PLEKHM1: variants seen among roughly 807,000 people sequenced by gnomAD.
The protein encoded by PLEKHM1 is pleckstrin homology and RUN domain containing M1, also known as pleckstrin homology domain-containing family M member 1.
PLEKHM1 carries 28 observed loss-of-function variants against 94.3 expected under a neutral mutation model. The observed-to-expected ratio is 0.30, with a 90% CI of 0.22 to 0.41. PLEKHM1 has a LOEUF of 0.41. PLEKHM1 is among the 10% of genes least tolerant of loss of function. The pLI is 1.00. For synonymous variants in PLEKHM1, 424 were observed against 581.2 expected (o/e 0.73, Z 3.89); for missense variants, 907 against 1,358.6 (o/e 0.67, Z 5.22).
At chr17:45,457,452 CGGGT>C (rs2050996419) in intron 6 of PLEKHM1, among the ~76,000 whole-genome samples, 1 of 151,686 alleles carries the variant, frequency 6.6e-6, no homozygotes, top group Non-Finnish European at 1.5e-5. Context: ...CCCAACTACT[CGGGT>C]GGCTAAAGCA....
intron 5 of PLEKHM1, among the ~76,000 whole-genome samples, chr17:45,465,430 C>T (rs148895919): frequency 0.028 from 4,236 of 151,964 alleles, 153 homozygotes; most frequent in African/African-American, 0.097. Context: ...GAGGCTGGGC[C>T]GGGCACGGTG....
chr17:45,490,286 G>A (rs1233182696), intron 1 of PLEKHM1, among the ~76,000 whole-genome samples: 1 of 152,094 alleles, frequency 6.6e-6, no homozygotes, highest in Non-Finnish European at 1.5e-5. Context: ...TACCAGAGGG[G>A]TGGGGAGAGA....
At chr17:45,454,480 T>C in intron 6 of PLEKHM1, 1 of 631,546 alleles carries the variant, frequency 1.6e-6, no homozygotes, top group East Asian at 2.7e-5. Context: ...TCTTGCGTCC[T>C]GTATTTCACT....
intron 1 of PLEKHM1, chr17:45,487,921 T>A (rs1178732121): frequency 2.6e-6 from 1 of 379,824 alleles, no homozygotes; most frequent in African/African-American, 2.1e-5. Context: ...AATTGATGAG[T>A]CATGTTTTTT....
Position 45,440,204 on chromosome 17 carries a change from A to T in PLEKHM1, c.2860T>A (p.Leu954Met). ...ACACTGAACCTATGCGGAGATTCCA[A>T]GAGATAATTCCTGTGGTTGAGCCTT... is the stretch of plus-strand genomic sequence containing the variant. The part of the protein sequence containing the change: ...SKRLNHRNYL[L>M]ESPHRFSVAD... Residue 954 changes from leucine to methionine, a missense_variant, in exon 10 of 12, where the codon TTG (leucine) becomes ATG (methionine). This residue lies in a region of PLEKHM1 where 254 missense variants were observed against 451.1 expected (regional missense o/e 0.56). Coordinates refer to ENST00000430334, the MANE Select transcript of PLEKHM1 (RefSeq NM_014798.3). The T allele has an allele frequency of 1.2e-6, 2 of 1,614,172 alleles. No homozygotes were observed. The highest frequency in any genetic ancestry group is 1.7e-6 in the Non-Finnish European group (2 of 1,179,986).
chr17:45,467,176 G>C (rs2145277771), intron 5 of PLEKHM1, among the ~76,000 whole-genome samples: 1 of 152,296 alleles, frequency 6.6e-6, no homozygotes, highest in African/African-American at 2.4e-5. Context: ...TCCAACTCCT[G>C]GGCTCAAGCA....
chr17:45,462,764 G>A (rs1035046779), intron 5 of PLEKHM1, among the ~76,000 whole-genome samples: 8 of 152,202 alleles, frequency 5.3e-5, no homozygotes, highest in Non-Finnish European at 4.4e-5. Flanking sequence ...CTGGAAGGAA[G>A]GAGACAAATG....
intron 6 of PLEKHM1, among the ~76,000 whole-genome samples, chr17:45,456,828 T>C (rs2050966536): frequency 6.6e-6 from 1 of 152,238 alleles, no homozygotes; most frequent in South Asian, 2.1e-4. Context: ...AATTTGGTTA[T>C]GGTTATTTAA....
chr17:45,443,565 T>C (rs986311603), intron 9 of PLEKHM1, among the ~76,000 whole-genome samples: 51 of 152,248 alleles, frequency 3.3e-4, no homozygotes, highest in African/African-American at 1.2e-3. Flanking sequence ...GGGCTGCCCC[T>C]GGTGCCCACA....
chr17:45,482,222 C>T (rs2051975579), intron 2 of PLEKHM1, among the ~76,000 whole-genome samples: 1 of 149,814 alleles, frequency 6.7e-6, no homozygotes, highest in Admixed American at 6.7e-5. Flanking sequence ...CTTCAGGTTA[C>T]TGATCTTAAA....
At chr17:45,488,611 T>A (rs2052204955) in intron 1 of PLEKHM1, among the ~76,000 whole-genome samples, 2 of 152,088 alleles carry the variant, frequency 1.3e-5, no homozygotes, top group South Asian at 4.2e-4. Context: ...CGACTATAAG[T>A]GGCAAGCAGA....
intron 1 of PLEKHM1, among the ~76,000 whole-genome samples, 183 bp downstream of exon 1, chr17:45,490,467 AGG>A (rs1476852655): frequency 6.6e-6 from 1 of 151,840 alleles, no homozygotes; most frequent in Non-Finnish European, 1.5e-5. Context: ...GCGGCGGTGC[AGG>A]GGGAAGGCTG....
chr17:45,454,474 G>T, intron 6 of PLEKHM1: 1 of 645,466 alleles, frequency 1.5e-6, no homozygotes, highest in Non-Finnish European at 2.8e-6. Flanking sequence ...TGCTGCTCTT[G>T]CGTCCTGTAT....
chr17:45,473,699 C>CA (rs2051597346), intron 4 of PLEKHM1, among the ~76,000 whole-genome samples: 1 of 151,840 alleles, frequency 6.6e-6, no homozygotes, highest in Admixed American at 6.6e-5. Context: ...GCTGGGACTT[C>CA]AGGCGCCCGC....
intron 6 of PLEKHM1, among the ~76,000 whole-genome samples, chr17:45,457,879 C>T (rs1047825848): frequency 3.3e-5 from 5 of 152,124 alleles, no homozygotes; most frequent in African/African-American, 9.7e-5. Context: ...CAGGTGGAAT[C>T]AAGAGTTTTC....
At chr17:45,466,341 A>G (rs1310387752) in intron 5 of PLEKHM1, among the ~76,000 whole-genome samples, 2 of 152,192 alleles carry the variant, frequency 1.3e-5, no homozygotes, top group African/African-American at 4.8e-5. Flanking sequence ...CTTGGGGGAG[A>G]TGAATATCTC....
At chr17:45,486,141 T>C (rs1201911065) in intron 1 of PLEKHM1, among the ~76,000 whole-genome samples, 10 of 132,294 alleles carry the variant, frequency 7.6e-5, no homozygotes, top group South Asian at 4.9e-4. Context: ...GGCGTGAACC[T>C]GGGAGGCGGA....
At position 45,453,812 on chromosome 17, in the gene PLEKHM1, T is replaced by C. The variant is rs2050852731; in HGVS notation, c.2040A>G (p.Pro680=). The change falls in exon 7 of 12, where the codon CCA becomes CCG. Residue 680 remains proline (P), a synonymous_variant. Transcript: ENST00000430334. This position sits in a 1 kb window ranked among gnomAD's most constrained non-coding sequence, Gnocchi z 4.1. The part of the protein sequence containing the change: ...TQFDWSSAQV[P]EPDAIKESLL... ...GGGACTCCTTGATGGCATCTGGCTC[T>C]GGAACCTGGGCGGACGACCAGTCAA... 6.2e-7 allele frequency: 1 copy of C among 1,613,886 alleles called. No individual in the cohort carries two copies. Among genetic ancestry groups the C allele is most frequent in the Non-Finnish European group, 8.5e-7 (1 of 1,179,874 alleles).
chr17:45,486,931 G>T (rs1179790235), intron 1 of PLEKHM1, among the ~76,000 whole-genome samples: 1 of 152,146 alleles, frequency 6.6e-6, no homozygotes, highest in Non-Finnish European at 1.5e-5. Context: ...CACCCACCCT[G>T]GTGGCCCAGA....
Sources: allele counts gnomAD v4.1 joint callset (sites outside exome capture counted in the v4.1 genomes callset), GRCh38; gene constraint gnomAD v4.1.1; regional missense constraint gnomAD v4.1.1; non-coding constraint Gnocchi (gnomAD v3.1); transcripts MANE v1.5; gene names NCBI Gene and HGNC (gene_info 2026-07-23, HGNC 2026-07-21).